PRDM16: variants seen among roughly 807,000 people sequenced by gnomAD.
The protein encoded by PRDM16 is PR/SET domain 16.
Under a neutral mutation model 110.6 loss-of-function variants are expected in PRDM16, and 23 were observed. The observed-to-expected ratio is 0.21, with a 90% CI of 0.15 to 0.29. The LOEUF is 0.29. PRDM16 is among the 10% of genes least tolerant of loss of function. The pLI is 1.00. For missense variants in PRDM16, 1,615 were observed against 1,794.3 expected, an observed-to-expected ratio of 0.90 and a Z score of 1.81; for synonymous variants, 799 against 781.8, an observed-to-expected ratio of 1.02 and a Z score of -0.37.
intron 3 of PRDM16, among the ~76,000 whole-genome samples, chr1:3,247,243 C>T (rs1639809372): frequency 6.6e-6 from 1 of 152,288 alleles, no homozygotes; most frequent in East Asian, 1.9e-4. Context: ...TTATCTGCCT[C>T]AGTGAAATGT....
intron 8 of PRDM16, among the ~76,000 whole-genome samples, chr1:3,409,526 G>A (rs1353867352): frequency 1.3e-5 from 2 of 152,198 alleles, no homozygotes; most frequent in African/African-American, 2.4e-5. Flanking sequence ...CTCCCAGCTG[G>A]AGTCGAAGGA....
At chr1:3,273,976 TAAA>T (rs927412647) in intron 3 of PRDM16, among the ~76,000 whole-genome samples, 30 of 68,532 alleles carry the variant, frequency 4.4e-4, no homozygotes, top group East Asian at 1.4e-3. Context: ...TATGGGGAGG[TAAA>T]AAAAAAAAAA....
intron 16 of PRDM16, 76 bp downstream of exon 16, chr1:3,432,216 C>A: frequency 7.3e-7 from 1 of 1,370,050 alleles, no homozygotes; most frequent in Non-Finnish European, 1.0e-6. Context: ...TCCTCTCCCG[C>A]CGTGGCCCTC....
At chr1:3,200,311 G>A (rs528036507) in intron 2 of PRDM16, among the ~76,000 whole-genome samples, 2 of 152,196 alleles carry the variant, frequency 1.3e-5, no homozygotes, top group Non-Finnish European at 2.9e-5. Flanking sequence ...CCCTTAGCCG[G>A]GGCCCTCCTT....
chr1:3,098,270 C>T (rs1027910674), intron 1 of PRDM16, among the ~76,000 whole-genome samples: 1 of 152,224 alleles, frequency 6.6e-6, no homozygotes, highest in African/African-American at 2.4e-5. Flanking sequence ...GCACCCTGCA[C>T]CAGCCTCAGC....
intron 1 of PRDM16, among the ~76,000 whole-genome samples, chr1:3,181,820 G>T (rs575308575): frequency 0.11 from 4,198 of 37,200 alleles, 125 homozygotes; most frequent in Admixed American, 0.16. Context: ...TCTTACACAT[G>T]CGGTCTTACA....
chr1:3,295,605 C>T (rs569331940), intron 3 of PRDM16, among the ~76,000 whole-genome samples: 6 of 152,212 alleles, frequency 3.9e-5, no homozygotes, highest in Non-Finnish European at 7.4e-5. Flanking sequence ...AGGAGCCGAG[C>T]GTCCTCCTCT....
chr1:3,338,461 G>A (rs372171735), intron 3 of PRDM16, among the ~76,000 whole-genome samples: 5 of 152,394 alleles, frequency 3.3e-5, no homozygotes, highest in African/African-American at 9.6e-5. Flanking sequence ...GGGCCAAGGT[G>A]CCCTCCTGGC....
chr1:3,171,600 G>C (rs1644026179), intron 1 of PRDM16, among the ~76,000 whole-genome samples: 1 of 152,214 alleles, frequency 6.6e-6, no homozygotes, highest in South Asian at 2.1e-4. Flanking sequence ...TGTGTATTGG[G>C]GGGCCCTTCC....
intron 2 of PRDM16, among the ~76,000 whole-genome samples, chr1:3,217,770 T>C (rs543423211): frequency 2.0e-5 from 3 of 152,218 alleles, no homozygotes; most frequent in Non-Finnish European, 4.4e-5. Flanking sequence ...CAGTTTTCCT[T>C]GAGGCCCTGC....
chr1:3,399,515 G>T (rs936362044), intron 5 of PRDM16, among the ~76,000 whole-genome samples: 5 of 152,170 alleles, frequency 3.3e-5, no homozygotes, highest in African/African-American at 1.2e-4. Flanking sequence ...GCCAGGCTCA[G>T]GTGTGTCCTG....
At chr1:3,128,205 G>A (rs1052735299) in intron 1 of PRDM16, among the ~76,000 whole-genome samples, 2 of 152,154 alleles carry the variant, frequency 1.3e-5, no homozygotes, top group African/African-American at 4.8e-5. Flanking sequence ...TGACAGACCC[G>A]TGATCTCTCT....
chr1:3,229,342 AC>A (rs1639357430), intron 2 of PRDM16, among the ~76,000 whole-genome samples: 1 of 152,094 alleles, frequency 6.6e-6, no homozygotes, highest in South Asian at 2.1e-4. Flanking sequence ...AGGTGCCCAC[AC>A]CTGCAGGTGC....
At chr1:3,072,887 C>A (rs1641801706) in intron 1 of PRDM16, among the ~76,000 whole-genome samples, 1 of 152,270 alleles carries the variant, frequency 6.6e-6, no homozygotes, top group Admixed American at 6.5e-5. Flanking sequence ...CAGGCCCCCT[C>A]CCTCAGCCCC....
chr1:3,430,936 G>C lies in PRDM16; in HGVS notation c.3349G>C (p.Asp1117His). The C allele has an allele frequency of 1.9e-6, 3 of 1,614,160 alleles. No individual in the cohort carries two copies. Among genetic ancestry groups the C allele is most frequent in the Non-Finnish European group, 2.5e-6 (3 of 1,180,012 alleles). The stretch of plus-strand genomic sequence containing the variant: ...AGGCCTAGCCAGTGAGAAGCAGGAG[G>C]ACGTGGAGGAGGAGGACGACGATGA... ...CPGLASEKQE[D>H]VEEEDDDDLE... The change falls in exon 15 of 17, where the codon GAC becomes CAC. Residue 1117 changes from aspartate to histidine, a missense_variant. Asp to His is a moderately conservative substitution (Grantham distance 81, BLOSUM62 -1). Transcript: ENST00000270722.
At chr1:3,426,923 ACGTGCACT>A (rs1458563582) in intron 14 of PRDM16, among the ~76,000 whole-genome samples, 1 of 152,142 alleles carries the variant, frequency 6.6e-6, no homozygotes, top group Non-Finnish European at 1.5e-5. Flanking sequence ...ACGGGCATGC[ACGTGCACT>A]CATGCACACA....
intron 3 of PRDM16, among the ~76,000 whole-genome samples, chr1:3,284,908 C>G (rs1050038548): frequency 5.3e-5 from 8 of 152,224 alleles, no homozygotes; most frequent in African/African-American, 1.9e-4. Flanking sequence ...GCTTGGTGCA[C>G]CTACTCACCA....
At chr1:3,322,934 G>A (rs575781936) in intron 3 of PRDM16, among the ~76,000 whole-genome samples, 1 of 152,266 alleles carries the variant, frequency 6.6e-6, no homozygotes, top group Admixed American at 6.5e-5. Flanking sequence ...CTGTGATCCG[G>A]CCTCTTCTAA....
rs113724623 is a variant in PRDM16, at chr1:3,107,984, C to T, written c.37+38688C>T. Among the ~76,000 whole-genome samples, 1,169 of 152,392 alleles carry T rather than the reference C, an allele frequency of 7.7e-3. 15 individuals are homozygous for T. The highest frequency in any genetic ancestry group is 0.025 in the African/African-American group (1,060 of 41,596). Reference sequence around the variant, plus strand: ...AGGGAATAGCAAGGCAGCACTGGCACTGCCACAGTGGCTGGTGTCAGGGAG... The same window carrying T: ...AGGGAATAGCAAGGCAGCACTGGCATTGCCACAGTGGCTGGTGTCAGGGAG... On this transcript the variant is annotated intron_variant, in intron 1 of 16. Transcript: ENST00000270722.
Sources: allele counts gnomAD v4.1 joint callset (sites outside exome capture counted in the v4.1 genomes callset), GRCh38; gene constraint gnomAD v4.1.1; transcripts MANE v1.5; gene names NCBI Gene and HGNC (gene_info 2026-07-23, HGNC 2026-07-21).